The following ATG5 variants were observed in gnomAD, a reference collection of about 807,000 sequenced individuals.
The protein encoded by ATG5 is autophagy protein 5.
A neutral mutation model predicts 36.5 loss-of-function variants in ATG5; 14 were observed. The ratio of observed to expected loss-of-function variants is 0.38; its 90% CI spans 0.25 to 0.60. ATG5 has a LOEUF of 0.60. Among genes scored for constraint, ATG5 ranks in the 20% least tolerant of loss-of-function variants. The probability of loss-of-function intolerance (pLI) is 0.60; values close to 1 mark genes in which losing one functional copy is unlikely to be tolerated. For synonymous variants in ATG5, 95 were observed against 101.5 expected (o/e 0.94, Z 0.38); for missense variants, 195 against 326.7 (o/e 0.60, Z 3.11).
chr6:106,232,285 T>G (rs892022036), intron 6 of ATG5, among the ~76,000 whole-genome samples: 11 of 152,144 alleles, frequency 7.2e-5, no homozygotes, highest in African/African-American at 2.7e-4. Flanking sequence ...CAAGGGGTCC[T>G]AGGACAGCCA....
At chr6:106,233,450 T>C (rs943630942) in intron 6 of ATG5, among the ~76,000 whole-genome samples, 1 of 152,206 alleles carries the variant, frequency 6.6e-6, no homozygotes, top group African/African-American at 2.4e-5. Context: ...AGCCCCAGTG[T>C]TTAGCTTGCC....
At chr6:106,300,944 G>A (rs950434794) in intron 3 of ATG5, among the ~76,000 whole-genome samples, 23 of 152,054 alleles carry the variant, frequency 1.5e-4, no homozygotes, top group African/African-American at 5.3e-4. Context: ...TTGACAAAAT[G>A]AGAAGCTTGT....
intron 3 of ATG5, among the ~76,000 whole-genome samples, chr6:106,305,995 A>C (rs1385339651): frequency 6.6e-6 from 1 of 152,218 alleles, no homozygotes; most frequent in Non-Finnish European, 1.5e-5. Flanking sequence ...GATGCATCAA[A>C]AGTCATATAG....
At chr6:106,208,305 G>A (rs1371167636) in intron 6 of ATG5, among the ~76,000 whole-genome samples, 1 of 139,000 alleles carries the variant, frequency 7.2e-6, no homozygotes, top group Non-Finnish European at 1.6e-5. Flanking sequence ...CTACATTATA[G>A]TTTCTGAGAT....
At chr6:106,189,046 T>C (rs918897498) in intron 7 of ATG5, among the ~76,000 whole-genome samples, 1 of 152,286 alleles carries the variant, frequency 6.6e-6, no homozygotes, top group Middle Eastern at 3.4e-3. Flanking sequence ...ACCTGACATA[T>C]ACAGTAATTA....
chr6:106,242,391 G>A (rs1382992494), intron 6 of ATG5, among the ~76,000 whole-genome samples: 1 of 152,218 alleles, frequency 6.6e-6, no homozygotes, highest in Non-Finnish European at 1.5e-5. Context: ...CCTCTTGTAT[G>A]AGGTACCTAT....
chr6:106,267,100 T>C (rs190921450), intron 5 of ATG5, among the ~76,000 whole-genome samples: 20 of 152,268 alleles, frequency 1.3e-4, no homozygotes, highest in African/African-American at 4.1e-4. Context: ...AACCCCATCG[T>C]CTCAGCCCAA....
intron 5 of ATG5, among the ~76,000 whole-genome samples, chr6:106,275,796 G>A (rs574893545): frequency 6.6e-6 from 1 of 152,318 alleles, no homozygotes; most frequent in South Asian, 2.1e-4. Flanking sequence ...AACATGAGCT[G>A]TAGCTTGGTT....
At position 106,233,154 on chromosome 6, in the gene ATG5, G is replaced by A. The variant is rs186693753; in HGVS notation, c.573+14996C>T. Among the ~76,000 whole-genome samples, 814 of 152,282 alleles carry A rather than the reference G, an allele frequency of 5.3e-3. 13 individuals carry two copies. The highest frequency in any genetic ancestry group is 0.019 in the African/African-American group (779 of 41,556). ...GTGGCTACAAGGTTTCCAAACCAAA[G>A]GCTCAGCTCTGCTCACAGCAGGTTA... is the stretch of plus-strand genomic sequence containing the variant. On this transcript the variant is annotated intron_variant, in intron 6 of 7. Transcript: ENST00000369076.
intron 1 of ATG5, among the ~76,000 whole-genome samples, chr6:106,319,789 C>T (rs921999282): frequency 6.6e-6 from 1 of 152,158 alleles, no homozygotes; most frequent in Non-Finnish European, 1.5e-5. Flanking sequence ...CATCTTTTCA[C>T]CTCTGATACT....
chr6:106,203,763 G>A (rs565821208), intron 6 of ATG5, among the ~76,000 whole-genome samples: 1 of 152,154 alleles, frequency 6.6e-6, no homozygotes, highest in South Asian at 2.1e-4. Flanking sequence ...TTACTTTTTT[G>A]TAGAAGGGGG....
chr6:106,245,276 T>G (rs893064390), intron 6 of ATG5, among the ~76,000 whole-genome samples: 1 of 152,216 alleles, frequency 6.6e-6, no homozygotes, highest in African/African-American at 2.4e-5. Context: ...ATAAATAGTT[T>G]GATGACAATC....
chr6:106,213,942 A>G (rs1325809885), intron 6 of ATG5, among the ~76,000 whole-genome samples: 2 of 152,214 alleles, frequency 1.3e-5, no homozygotes, highest in African/African-American at 4.8e-5. Flanking sequence ...TAGTTGTTAC[A>G]GAACCCATTA....
At chr6:106,253,094 T>C (rs2743563) in intron 5 of ATG5, among the ~76,000 whole-genome samples, 13,061 of 152,264 alleles carry the variant, frequency 0.086, 595 homozygotes, top group South Asian at 0.13. Flanking sequence ...ATGAATTAAT[T>C]TCTTCATACG....
intron 6 of ATG5, among the ~76,000 whole-genome samples, chr6:106,226,526 C>A (rs777839261): frequency 4.6e-5 from 7 of 151,808 alleles, no homozygotes; most frequent in African/African-American, 7.3e-5. Flanking sequence ...TTTAAATATG[C>A]GCAAAGAACT....
intron 5 of ATG5, among the ~76,000 whole-genome samples, chr6:106,253,184 A>C (rs1376297367): frequency 6.6e-6 from 1 of 152,204 alleles, no homozygotes; most frequent in Admixed American, 6.5e-5. Context: ...AGGCTGCCAA[A>C]AGCAGGTTTT....
chr6:106,210,328 A>G (rs536662284), intron 6 of ATG5, among the ~76,000 whole-genome samples: 1 of 152,374 alleles, frequency 6.6e-6, no homozygotes, highest in African/African-American at 2.4e-5. Context: ...GATAATATAT[A>G]CTATAACAGA....
chr6:106,295,712 T>G (rs375027044), intron 3 of ATG5, among the ~76,000 whole-genome samples: 3 of 152,202 alleles, frequency 2.0e-5, no homozygotes, highest in African/African-American at 7.2e-5. Flanking sequence ...TACAGACATG[T>G]GCCACTATGC....
chr6:106,233,962 C>T (rs188891854), intron 6 of ATG5, among the ~76,000 whole-genome samples: 14 of 152,272 alleles, frequency 9.2e-5, no homozygotes, highest in African/African-American at 2.9e-4. Context: ...TCACTGCCCA[C>T]ACCCATATGC....
Sources: gnomAD v4.1 joint callset for allele counts (sites outside exome capture counted in the v4.1 genomes callset) on GRCh38, gnomAD v4.1.1 for gene constraint, MANE v1.5 for transcripts, NCBI Gene and HGNC (gene_info 2026-07-23, HGNC 2026-07-21) for gene names.